NUP153: variants seen among roughly 807,000 people sequenced by gnomAD.
NUP153 encodes the protein nucleoporin 153, also known as nuclear pore complex protein Nup153.
NUP153 carries 27 observed loss-of-function variants against 134.6 expected under a neutral mutation model. The observed-to-expected ratio is 0.20, with a 90% CI of 0.15 to 0.28. The LOEUF (loss-of-function observed/expected upper bound fraction) is 0.28, where lower values mean the gene tolerates loss of function less well. NUP153 is among the 10% of genes least tolerant of loss of function. The pLI, the probability that NUP153 is intolerant of heterozygous loss-of-function variation, is 1.00. For missense variants in NUP153, 1,821 were observed against 1,731.3 expected (o/e 1.05, Z -0.92); for synonymous variants, 640 against 623.5 (o/e 1.03, Z -0.40).
chr6:17,697,507 G>A (rs769691298), intron 1 of NUP153, among the ~76,000 whole-genome samples: 1 of 152,156 alleles, frequency 6.6e-6, no homozygotes, highest in Non-Finnish European at 1.5e-5. Flanking sequence ...CCAACATGGC[G>A]AAACCCTGTC....
At chr6:17,651,815 T>C (rs1229190392) in intron 11 of NUP153, 1 of 580,846 alleles carries the variant, frequency 1.7e-6, no homozygotes, top group Admixed American at 2.1e-5. Flanking sequence ...AAATTGAGGT[T>C]AGGCATGGTA....
At chr6:17,669,658 A>T in intron 5 of NUP153, 112 bp from the exon 6 acceptor site, 1 of 733,520 alleles carries the variant, frequency 1.4e-6, no homozygotes, top group Non-Finnish European at 2.4e-6. Context: ...ACAGGATTTA[A>T]TGCATTAACA....
chr6:17,635,104 CTTTTTTTT>C (rs59700511), intron 16 of NUP153, among the ~76,000 whole-genome samples: 4 of 104,260 alleles, frequency 3.8e-5, no homozygotes, highest in Non-Finnish European at 5.4e-5. Context: ...CTTGGCTTAT[CTTTTTTTT>C]TTTTTTTTTT....
intron 17 of NUP153, among the ~76,000 whole-genome samples, chr6:17,630,702 CGGGAGACGAGAGGGGAG>C (rs1477261841): frequency 9.3e-4 from 107 of 115,538 alleles, no homozygotes; most frequent in African/African-American, 3.3e-3. Context: ...GCAGAGGAGA[CGGGAGACGAGAGGGGAG>C]GGGAGACAAG....
At chr6:17,700,590 C>A (rs1320873280) in intron 1 of NUP153, among the ~76,000 whole-genome samples, 1 of 152,050 alleles carries the variant, frequency 6.6e-6, no homozygotes, top group African/African-American at 2.4e-5. Context: ...TCTAAATATC[C>A]CTCCTTTTCA....
chr6:17,674,612 T>C (rs558202828), intron 5 of NUP153, among the ~76,000 whole-genome samples: 1 of 151,978 alleles, frequency 6.6e-6, no homozygotes, highest in East Asian at 1.9e-4. Context: ...CTACTAAAAA[T>C]ACAAAAAATT....
chr6:17,637,298 T>C lies in NUP153; in HGVS notation c.2319A>G (p.Ser773=), dbSNP rs1430142985. The change falls in exon 16 of 22, where the codon TCA becomes TCG. Residue 773 remains serine, a synonymous_variant. Coordinates refer to ENST00000262077, the MANE Select transcript of NUP153 (RefSeq NM_005124.4). ...VSESAETMTA[S]SSSCTVTTGT... is the part of the protein sequence containing the mutation. The stretch of plus-strand genomic sequence containing the variant: ...CAGTGGTTACAGTGCAGCTGGAAGA[T>C]GAAGCAGTCATAGTCTCAGCACTTT... The C allele has an allele frequency of 1.2e-6, 2 of 1,614,234 alleles. No individual in the cohort carries two copies. Among genetic ancestry groups the C allele is most frequent in the Admixed American group, 1.7e-5 (1 of 60,022 alleles).
intron 1 of NUP153, among the ~76,000 whole-genome samples, chr6:17,697,264 ACT>A (rs1769715014): frequency 6.6e-6 from 1 of 152,202 alleles, no homozygotes; most frequent in Non-Finnish European, 1.5e-5. Context: ...CAAAAATGCC[ACT>A]GAGATTTAGA....
Position 17,669,453 on chromosome 6 carries a change from C to G in NUP153, c.946G>C (p.Glu316Gln). 6.2e-7 allele frequency: 1 copy of G among 1,613,872 alleles called. No individual in the cohort carries two copies. Residue 316 changes from glutamate to glutamine, a missense_variant, in exon 6 of 22, where the codon GAG (glutamate) becomes CAG (glutamine). Glu to Gln is a conservative substitution (Grantham distance 29). Coordinates refer to ENST00000262077, the MANE Select transcript of NUP153 (RefSeq NM_005124.4). ...ACCGCTAAAGGGCTTGACATCTTCT[C>G]TAAAGACTGCAATATTCGCCGAGCT... Reference protein sequence around the residue: ...STARRILQSLEKMSSPLADAK... With the variant: ...STARRILQSLQKMSSPLADAK...
intron 16 of NUP153, among the ~76,000 whole-genome samples, chr6:17,633,377 C>A (rs932420649): frequency 2.0e-5 from 3 of 152,204 alleles, no homozygotes; most frequent in Non-Finnish European, 2.9e-5. Context: ...TACTTCACAT[C>A]CACTTCACAA....
At position 17,688,418 on chromosome 6, in the gene NUP153, C is replaced by T. The variant is rs1204251377; in HGVS notation, c.312G>A (p.Glu104=). The T allele has an allele frequency of 6.2e-7, 1 of 1,613,704 alleles. No homozygotes were observed. Reference sequence around the variant, plus strand: ...TACCTTCTGTATTACTGACTGCTGGCTCAGGTGTGATTCTCCCATCAGTAA... The same window carrying T: ...TACCTTCTGTATTACTGACTGCTGGTTCAGGTGTGATTCTCCCATCAGTAA... ...SNITDGRITP[E]PAVSNTEEPS... The change falls in exon 2 of 22, where the codon GAG becomes GAA. Residue 104 remains glutamate (E), a synonymous_variant. Transcript: ENST00000262077.
At position 17,669,801 on chromosome 6, in the gene NUP153, A is replaced by G. The variant is rs115075587; in HGVS notation, c.853-255T>C. Reference sequence around the variant, plus strand: ...TGATAAGACAGCATGCACCATTTTAAAGAAAGTATGGGCCGGGCATGGTGG... The same window carrying G: ...TGATAAGACAGCATGCACCATTTTAGAGAAAGTATGGGCCGGGCATGGTGG... On this transcript the variant is annotated intron_variant, in intron 5 of 21. Transcript: ENST00000262077. Among the ~76,000 whole-genome samples the G allele has an allele frequency of 3.1e-3, 466 of 152,168 alleles. 2 individuals carry two copies. Among genetic ancestry groups the G allele is most frequent in the African/African-American group, 0.011 (447 of 41,528 alleles).
At chr6:17,655,425 G>A (rs199498669) in intron 11 of NUP153, among the ~76,000 whole-genome samples, 7 of 149,922 alleles carry the variant, frequency 4.7e-5, no homozygotes, top group East Asian at 2.0e-4. Context: ...TGAAAATGCC[G>A]CCCCCACAAA....
At chr6:17,617,685 A>AT (rs1764406064) in intron 20 of NUP153, among the ~76,000 whole-genome samples, 1 of 151,774 alleles carries the variant, frequency 6.6e-6, no homozygotes, top group Non-Finnish European at 1.5e-5. Flanking sequence ...TCTATAAAAA[A>AT]TTTTTCAAAA....
chr6:17,665,095 C>T, intron 9 of NUP153, 144 bp downstream of exon 9: 1 of 390,956 alleles, frequency 2.6e-6, no homozygotes, highest in Non-Finnish European at 4.4e-6. Flanking sequence ...ATTTTAAAAG[C>T]ATACCAATTC....
At chr6:17,688,137 GA>G (rs912546736) in intron 2 of NUP153, among the ~76,000 whole-genome samples, 6 of 151,488 alleles carry the variant, frequency 4.0e-5, no homozygotes, top group African/African-American at 1.5e-4. Flanking sequence ...AAAAAAGAAA[GA>G]AAAAAAGAAA....
chr6:17,630,832 A>T (rs1230417028), intron 17 of NUP153, among the ~76,000 whole-genome samples: 1 of 151,770 alleles, frequency 6.6e-6, no homozygotes, highest in Non-Finnish European at 1.5e-5. Context: ...AAGAGAAGAG[A>T]GCAAGCATTA....
At chr6:17,701,533 G>A (rs1339994105) in intron 1 of NUP153, among the ~76,000 whole-genome samples, 5 of 150,966 alleles carry the variant, frequency 3.3e-5, no homozygotes, top group Admixed American at 6.6e-5. Flanking sequence ...GTGGTGGCAC[G>A]TGCCTGTAGT....
chr6:17,646,173 T>A lies in NUP153; in HGVS notation c.1633-19A>T. On this transcript the variant is annotated intron_variant, in intron 13 of 21. Coordinates refer to ENST00000262077, the MANE Select transcript of NUP153 (RefSeq NM_005124.4). ...ATCCAATCTGTAAAGAGAAAGAATATCCTTATACTTCGTTTTCAATAAGTA... is the reference window on the plus strand; with the variant it reads ...ATCCAATCTGTAAAGAGAAAGAATAACCTTATACTTCGTTTTCAATAAGTA... 1 of 1,316,242 alleles carries A rather than the reference T, an allele frequency of 7.6e-7. No individual in the cohort carries two copies. The highest frequency in any genetic ancestry group is 1.1e-6 in the Non-Finnish European group (1 of 915,956). The allele number at this position is 1,316,242 out of a possible 1,614,324, so 81.5% of individuals were successfully genotyped here. A position where few individuals can be genotyped will look rare whatever the true frequency, so the allele number is the denominator to read the frequency against.
Sources: gnomAD v4.1 joint callset for allele counts (sites outside exome capture counted in the v4.1 genomes callset) on GRCh38, gnomAD v4.1.1 for gene constraint, MANE v1.5 for transcripts, NCBI Gene and HGNC (gene_info 2026-07-23, HGNC 2026-07-21) for gene names.